The following CASZ1 variants were observed in gnomAD, a reference collection of about 807,000 sequenced individuals.
The protein encoded by CASZ1 is zinc finger protein castor homolog 1.
CASZ1 carries 28 observed loss-of-function variants against 135.2 expected under a neutral mutation model. The observed-to-expected ratio is 0.21, with a 90% CI of 0.15 to 0.28. The LOEUF is 0.28. Among genes scored for constraint, CASZ1 ranks in the 10% least tolerant of loss-of-function variants. The pLI is 1.00. For missense variants in CASZ1, 2,161 were observed against 2,453.3 expected, an observed-to-expected ratio of 0.88 and a Z score of 2.52; for synonymous variants, 1,068 against 1,073.4, an observed-to-expected ratio of 0.99 and a Z score of 0.10.
At position 10,639,265 on chromosome 1, in the gene CASZ1, C is replaced by G. The variant is rs1642113214; in HGVS notation, c.4957G>C (p.Asp1653His). Residue 1653 changes from aspartate to histidine, a missense_variant, in exon 21 of 21, where the codon GAC (aspartate) becomes CAC (histidine). Physicochemically the swap from Asp to His is moderately conservative, Grantham distance 81 (BLOSUM62 -1). Around this residue, in one of 7 missense-constraint regions of CASZ1, gnomAD observed 185 missense variants for 134.7 expected, o/e 1.37. Transcript: ENST00000377022. The surrounding 1 kb of genome is among the most constrained non-coding windows in gnomAD (Gnocchi z 4.0). ...TCGCGCGGCCCGGGGGCGGCGGCGTCGGGCGGGCCGGGGTCGCCCGCGTCG... is the reference window on the plus strand; with the variant it reads ...TCGCGCGGCCCGGGGGCGGCGGCGTGGGGCGGGCCGGGGTCGCCCGCGTCG... ...LGDAGDPGPP[D>H]AAAPGPREGA... 1 of 999,376 alleles carries G rather than the reference C, an allele frequency of 1.0e-6. No homozygotes were observed. Among genetic ancestry groups the G allele is most frequent in the Non-Finnish European group, 1.2e-6 (1 of 832,826 alleles). The allele number at this position is 999,376 out of a possible 1,614,324, so 61.9% of individuals were successfully genotyped here.
At chr1:10,663,967 C>T (rs1416564466) in intron 5 of CASZ1, among the ~76,000 whole-genome samples, 1 of 152,098 alleles carries the variant, frequency 6.6e-6, no homozygotes, top group Non-Finnish European at 1.5e-5. Context: ...TGTCGCGTTC[C>T]TCTCCTCTCC....
At chr1:10,668,714 C>A (rs1643313554) in intron 4 of CASZ1, among the ~76,000 whole-genome samples, 1 of 152,268 alleles carries the variant, frequency 6.6e-6, no homozygotes, top group Admixed American at 6.5e-5. Context: ...GGAGCTCTGC[C>A]CTGCGCTAGC....
chr1:10,678,808 TCCC>T (rs573288178), intron 4 of CASZ1, among the ~76,000 whole-genome samples: 6 of 149,602 alleles, frequency 4.0e-5, no homozygotes, highest in Admixed American at 4.0e-4. Flanking sequence ...CAATAAAAAA[TCCC>T]CCCCTTTTGC....
chr1:10,742,412 GGTGT>G (rs1639941803), intron 2 of CASZ1, among the ~76,000 whole-genome samples: 2 of 152,170 alleles, frequency 1.3e-5, no homozygotes, highest in African/African-American at 2.4e-5. Context: ...CGCGGGGCTT[GGTGT>G]GTAGCTGGTC....
rs1639287750 is a variant in CASZ1, at chr1:10,711,611, AC to A, written c.-76-6068del. 6.6e-6 allele frequency among the ~76,000 whole-genome samples: 1 copy of A among 152,130 alleles called. No homozygotes were observed. The highest frequency in any genetic ancestry group is 1.5e-5 in the Non-Finnish European group (1 of 68,032). On this transcript the variant is annotated intron_variant, in intron 2 of 20. Coordinates refer to ENST00000377022, the MANE Select transcript of CASZ1 (RefSeq NM_001079843.3). This position sits in a 1 kb window ranked among gnomAD's most constrained non-coding sequence, Gnocchi z 4.4. ...AAAAAAAAAAAAAAAAGAAAAACAA[AC>A]AAAACCTTGTGCATGAATGTTCATA...
At position 10,747,253 on chromosome 1, in the gene CASZ1, C is replaced by G. The variant is rs751921638; in HGVS notation, c.-77+13448G>C. Among the ~76,000 whole-genome samples, 3 of 152,190 alleles carry G rather than the reference C, an allele frequency of 2.0e-5. No individual in the cohort carries two copies. Among genetic ancestry groups the G allele is most frequent in the Non-Finnish European group, 4.4e-5 (3 of 68,036 alleles). ...TGGGGCTGGGAAGCAAAGGGGAAGCCGTCCTTGGGAAGGTGGGGTCTGCAG... is the reference window on the plus strand; with the variant it reads ...TGGGGCTGGGAAGCAAAGGGGAAGCGGTCCTTGGGAAGGTGGGGTCTGCAG... On this transcript the variant is annotated intron_variant, in intron 2 of 20. Coordinates refer to ENST00000377022, the MANE Select transcript of CASZ1 (RefSeq NM_001079843.3). The surrounding 1 kb of genome is among the most constrained non-coding windows in gnomAD (Gnocchi z 4.3).
intron 1 of CASZ1, among the ~76,000 whole-genome samples, chr1:10,778,591 C>G (rs535840109): frequency 7.2e-5 from 11 of 152,286 alleles, no homozygotes; most frequent in African/African-American, 2.4e-4. Context: ...TGATCTCACA[C>G]ACACCCATTC....
Position 10,676,497 on chromosome 1 carries a change from A to C in CASZ1, c.17-10926T>G, listed in dbSNP as rs530307977. On this transcript the variant is annotated intron_variant, in intron 4 of 20. Transcript: ENST00000377022. The surrounding 1 kb of genome is among the most constrained non-coding windows in gnomAD (Gnocchi z 4.5). ...AAGAAGACACCAAGAGCCCCCGGGG[A>C]GGCCTCTCCACCATCCTCTGAACAA... 6.6e-6 allele frequency among the ~76,000 whole-genome samples: 1 copy of C among 151,840 alleles called. No homozygotes were observed. Among genetic ancestry groups the C allele is most frequent in the South Asian group, 2.1e-4 (1 of 4,752 alleles).
chr1:10,680,665 G>A (rs931753714), intron 4 of CASZ1, among the ~76,000 whole-genome samples: 1 of 152,202 alleles, frequency 6.6e-6, no homozygotes, highest in Admixed American at 6.5e-5. Context: ...AGCGGGTGGA[G>A]AAGGTGAAGG....
chr1:10,732,252 G>A (rs1255277706), intron 2 of CASZ1, among the ~76,000 whole-genome samples: 1 of 151,072 alleles, frequency 6.6e-6, no homozygotes, highest in Non-Finnish European at 1.5e-5. Flanking sequence ...TTGAACTCGG[G>A]AGGCAGAGGT....
rs925526918 is a variant in CASZ1 at position 10,679,605 on chromosome 1, C to A, written c.17-14034G>T. Among the ~76,000 whole-genome samples the A allele has an allele frequency of 3.9e-5, 6 of 152,212 alleles. No homozygotes were observed. The highest frequency in any genetic ancestry group is 1.3e-4 in the Admixed American group (2 of 15,282). On this transcript the variant is annotated intron_variant, in intron 4 of 20. Coordinates refer to ENST00000377022, the MANE Select transcript of CASZ1 (RefSeq NM_001079843.3). The surrounding 1 kb of genome is among the most constrained non-coding windows in gnomAD (Gnocchi z 4.7). ...GCCTGCAACAGCTGCACCTCCACCC[C>A]CAGCCTGGGTCGAGTGGGTGGTGGG...
intron 2 of CASZ1, among the ~76,000 whole-genome samples, chr1:10,745,782 T>TGC (rs1640028496): frequency 6.6e-6 from 1 of 152,178 alleles, no homozygotes; most frequent in African/African-American, 2.4e-5. Flanking sequence ...CCTATGGCCC[T>TGC]ACGGGTCTAG....
chr1:10,649,423 G>A lies in CASZ1; in HGVS notation c.2895C>T (p.Asn965=). The part of the protein sequence containing the change: ...SSLMNKMSQG[N]PGLGSLLNIK... The stretch of plus-strand genomic sequence containing the variant: ...TGTTCAGCAGGCTGCCCAGGCCAGG[G>A]TTGCCCTGAGACATCTGTGAGGGAC... Residue 965 remains asparagine (N), a synonymous_variant, in exon 14 of 21, where the codon AAC becomes AAT. Transcript: ENST00000377022. 6.2e-7 allele frequency: 1 copy of A among 1,609,946 alleles called. No homozygotes were observed. Among genetic ancestry groups the A allele is most frequent in the Non-Finnish European group, 8.5e-7 (1 of 1,178,204 alleles).
Position 10,653,862 on chromosome 1 carries a change from C to T in CASZ1, c.2195G>A (p.Ser732Asn). 1 of 1,611,862 alleles carries T rather than the reference C, an allele frequency of 6.2e-7. No individual in the cohort carries two copies. The highest frequency in any genetic ancestry group is 8.5e-7 in the Non-Finnish European group (1 of 1,178,560). ...GGCGCTCAGGCTGGAGTTCTTGCTG[C>T]TCAGGGCGGAGAAGTCAACAAGGTC... Reference protein sequence around the residue: ...NDDLVDFSALSSKNSSLSASP... With the variant: ...NDDLVDFSALNSKNSSLSASP... The change falls in exon 11 of 21, where the codon AGC (serine) becomes AAC (asparagine). Residue 732 changes from serine to asparagine, a missense_variant. Physicochemically the swap from Ser to Asn is conservative, Grantham distance 46 (BLOSUM62 1). Coordinates refer to ENST00000377022, the MANE Select transcript of CASZ1 (RefSeq NM_001079843.3).
chr1:10,777,505 C>A lies in CASZ1; in HGVS notation c.-233-16648G>T, dbSNP rs79070790. ...AGTCTCACTCAGGGTAGGCCTGGGGCAGGGGACCAAGTGATACGCGAAAAA... is the reference window on the plus strand; with the variant it reads ...AGTCTCACTCAGGGTAGGCCTGGGGAAGGGGACCAAGTGATACGCGAAAAA... On this transcript the variant is annotated intron_variant, in intron 1 of 20. Transcript: ENST00000377022. The surrounding 1 kb of genome is among the most constrained non-coding windows in gnomAD (Gnocchi z 4.4). Among the ~76,000 whole-genome samples the A allele has an allele frequency of 5.6e-4, 86 of 152,312 alleles. 1 individual carries two copies. The highest frequency in any genetic ancestry group is 1.8e-3 in the African/African-American group (75 of 41,548).
rs1432053767 is a variant in CASZ1 at position 10,794,787 on chromosome 1, C to T, written c.-234+1777G>A. On this transcript the variant is annotated intron_variant, in intron 1 of 20. Coordinates refer to ENST00000377022, the MANE Select transcript of CASZ1 (RefSeq NM_001079843.3). The surrounding 1 kb of genome is among the most constrained non-coding windows in gnomAD (Gnocchi z 5.6). Reference sequence around the variant, plus strand: ...CTACGCCCCCAAAGTGTCCCTCCAGCCGTGATTGACGGCGCATACACCTGT... The same window carrying T: ...CTACGCCCCCAAAGTGTCCCTCCAGTCGTGATTGACGGCGCATACACCTGT... Among the ~76,000 whole-genome samples the T allele has an allele frequency of 6.6e-6, 1 of 152,178 alleles. No homozygotes were observed. Among genetic ancestry groups the T allele is most frequent in the African/African-American group, 2.4e-5 (1 of 41,458 alleles).
chr1:10,694,659 A>G lies in CASZ1; in HGVS notation c.-23-747T>C, dbSNP rs1638879787. On this transcript the variant is annotated intron_variant, in intron 3 of 20. Coordinates refer to ENST00000377022, the MANE Select transcript of CASZ1 (RefSeq NM_001079843.3). The surrounding 1 kb of genome is among the most constrained non-coding windows in gnomAD (Gnocchi z 6.6). ...CCCGCCGCCCGCCGCCCGGTGCCGGAGTGAATGGGCTCGCGCTCGCTCGCG... is the reference window on the plus strand; with the variant it reads ...CCCGCCGCCCGCCGCCCGGTGCCGGGGTGAATGGGCTCGCGCTCGCTCGCG... Among the ~76,000 whole-genome samples the G allele has an allele frequency of 7.2e-6, 1 of 139,382 alleles. No individual in the cohort carries two copies. The highest frequency in any genetic ancestry group is 2.6e-5 in the African/African-American group (1 of 38,392). The allele number at this position is 139,382 out of a possible 152,430, so 91.4% of individuals were successfully genotyped here. A position where few individuals can be genotyped will look rare whatever the true frequency, so the allele number is the denominator to read the frequency against.
At chr1:10,689,513 C>T (rs925790145) in intron 4 of CASZ1, among the ~76,000 whole-genome samples, 1 of 152,116 alleles carries the variant, frequency 6.6e-6, no homozygotes, top group Non-Finnish European at 1.5e-5. Flanking sequence ...GGGTTCTCCT[C>T]GCTGGTCCCT....
chr1:10,668,581 C>T (rs368540147), intron 4 of CASZ1, among the ~76,000 whole-genome samples: 14 of 152,252 alleles, frequency 9.2e-5, no homozygotes, highest in African/African-American at 3.4e-4. Context: ...GACCCACACA[C>T]AGTCAGAGCC....
Sources: gnomAD v4.1 joint callset for allele counts (sites outside exome capture counted in the v4.1 genomes callset) on GRCh38, gnomAD v4.1.1 for gene constraint, gnomAD v4.1.1 regional missense constraint, Gnocchi (gnomAD v3.1) non-coding constraint, MANE v1.5 for transcripts, NCBI Gene and HGNC (gene_info 2026-07-23, HGNC 2026-07-21) for gene names.